HECW2: variants seen among roughly 807,000 people sequenced by gnomAD.
The protein encoded by HECW2 is E3 ubiquitin-protein ligase HECW2.
HECW2 carries 61 observed loss-of-function variants against 175.2 expected under a neutral mutation model. That is an observed-to-expected ratio of 0.35 (90% confidence interval 0.28 to 0.43). HECW2 has a LOEUF of 0.43. HECW2 is among the 20% of genes least tolerant of loss of function. The pLI, the probability that HECW2 is intolerant of heterozygous loss-of-function variation, is 1.00. For missense variants in HECW2, 1,524 were observed against 2,000.5 expected, an observed-to-expected ratio of 0.76 and a Z score of 4.54; for synonymous variants, 671 against 731.0, an observed-to-expected ratio of 0.92 and a Z score of 1.32.
intron 2 of HECW2, among the ~76,000 whole-genome samples, chr2:196,386,807 CA>C (rs968130177): frequency 6.6e-6 from 1 of 151,872 alleles, no homozygotes; most frequent in Non-Finnish European, 1.5e-5. Flanking sequence ...ATTCATAAAA[CA>C]AAAAATGATG....
intron 12 of HECW2, 128 bp from the exon 13 acceptor site, chr2:196,306,740 C>A: frequency 1.1e-6 from 1 of 940,726 alleles, no homozygotes; most frequent in Non-Finnish European, 1.5e-6. Context: ...TTTTAATCCC[C>A]CAATGCTTTT....
chr2:196,280,257 C>T (rs1475118938), intron 14 of HECW2, among the ~76,000 whole-genome samples: 3 of 152,150 alleles, frequency 2.0e-5, no homozygotes, highest in Admixed American at 2.0e-4. Flanking sequence ...AAGAACTGAC[C>T]TTTCAAACCA....
intron 13 of HECW2, among the ~76,000 whole-genome samples, chr2:196,305,198 T>C (rs995409324): frequency 2.0e-5 from 3 of 152,228 alleles, no homozygotes; most frequent in Non-Finnish European, 2.9e-5. Flanking sequence ...TCTGTATCCC[T>C]AGGTCTTAGC....
chr2:196,554,923 C>T (rs931393441), intron 1 of HECW2, among the ~76,000 whole-genome samples: 4 of 152,132 alleles, frequency 2.6e-5, no homozygotes, highest in Non-Finnish European at 5.9e-5. Flanking sequence ...AATCCCTGCA[C>T]GGGACAACAG....
intron 1 of HECW2, among the ~76,000 whole-genome samples, chr2:196,551,210 A>T (rs1175328051): frequency 6.6e-6 from 1 of 152,222 alleles, no homozygotes; most frequent in East Asian, 1.9e-4. Flanking sequence ...GAAATGCAAT[A>T]CTTCAGGGAC....
At chr2:196,259,059 T>C (rs1689179309) in intron 17 of HECW2, among the ~76,000 whole-genome samples, 1 of 152,218 alleles carries the variant, frequency 6.6e-6, no homozygotes, top group African/African-American at 2.4e-5. Flanking sequence ...CTGCAACCTC[T>C]GCCTCCTGGG....
chr2:196,513,862 T>C (rs1295772510), intron 1 of HECW2, among the ~76,000 whole-genome samples: 1 of 152,136 alleles, frequency 6.6e-6, no homozygotes, highest in Non-Finnish European at 1.5e-5. Flanking sequence ...AGAGGGTAAG[T>C]GGTTAGAAAC....
chr2:196,547,561 AC>A (rs1432836480), intron 1 of HECW2, among the ~76,000 whole-genome samples: 16 of 152,214 alleles, frequency 1.1e-4, no homozygotes, highest in South Asian at 2.1e-4. Context: ...ATAGGAGACT[AC>A]AGTTTTCACC....
At chr2:196,292,412 A>T in intron 14 of HECW2, 153 bp downstream of exon 14, 1 of 644,812 alleles carries the variant, frequency 1.6e-6, no homozygotes, top group Non-Finnish European at 2.7e-6. Flanking sequence ...TGTGGTCACA[A>T]ACAACCTGCT....
intron 2 of HECW2, among the ~76,000 whole-genome samples, chr2:196,376,342 G>A (rs1694050852): frequency 6.6e-6 from 1 of 152,126 alleles, no homozygotes; most frequent in African/African-American, 2.4e-5. Flanking sequence ...AATTAAAATA[G>A]ATTTTCGGCT....
intron 14 of HECW2, among the ~76,000 whole-genome samples, chr2:196,283,730 C>T (rs932220098): frequency 1.3e-5 from 2 of 152,112 alleles, no homozygotes; most frequent in Admixed American, 6.6e-5. Context: ...CACTACAATA[C>T]AGTCAAATCA....
rs548239251 is a variant in HECW2, at chr2:196,235,780, C to T, written c.3764+4669G>A. Reference sequence around the variant, plus strand: ...ACGCCATTCTCCTGCCTCAGCCTCCCGAGTAGCTGGGGACTACAGGCACCC... The same window carrying T: ...ACGCCATTCTCCTGCCTCAGCCTCCTGAGTAGCTGGGGACTACAGGCACCC... On this transcript the variant is annotated intron_variant, in intron 21 of 28. Transcript: ENST00000644978. 1.7e-4 allele frequency among the ~76,000 whole-genome samples: 25 copies of T among 151,480 alleles called. No homozygotes were observed. The East Asian group carries it at 3.5e-3, about 21-fold the overall frequency.
intron 2 of HECW2, among the ~76,000 whole-genome samples, chr2:196,412,632 G>A (rs991520022): frequency 6.6e-6 from 1 of 152,144 alleles, no homozygotes; most frequent in Non-Finnish European, 1.5e-5. Context: ...TTAGAGCAGT[G>A]GCTTTGAAAT....
chr2:196,201,531 T>A lies in HECW2; in HGVS notation c.4608-143A>T, dbSNP rs936301223. 8.7e-5 allele frequency: 43 copies of A among 494,084 alleles called. 1 individual carries two copies. The Admixed American group carries it at 1.2e-3, about 14-fold the overall frequency. 30.6% of individuals were successfully genotyped at this position (494,084 alleles called of 1,614,324 possible). A position where few individuals can be genotyped will look rare whatever the true frequency, so the allele number is the denominator to read the frequency against. ...TTTGTTGCCAATTTTCACACTCCTT[T>A]TGAAAAATCTTTGAAAACATTTTGA... On this transcript the variant is annotated intron_variant, in intron 28 of 28. Coordinates refer to ENST00000644978, the MANE Select transcript of HECW2 (RefSeq NM_001348768.2).
intron 16 of HECW2, among the ~76,000 whole-genome samples, chr2:196,272,032 C>A (rs1689759828): frequency 6.6e-6 from 1 of 152,068 alleles, no homozygotes; most frequent in Non-Finnish European, 1.5e-5. Context: ...CGAAAATCAG[C>A]CTCACAGAAA....
At chr2:196,530,993 T>G (rs1688821197) in intron 1 of HECW2, among the ~76,000 whole-genome samples, 1 of 152,200 alleles carries the variant, frequency 6.6e-6, no homozygotes, top group African/African-American at 2.4e-5. Flanking sequence ...CAACTTCTAC[T>G]TCAGTTCTCA....
chr2:196,221,339 T>A (rs1687662278), intron 24 of HECW2, among the ~76,000 whole-genome samples: 1 of 152,178 alleles, frequency 6.6e-6, no homozygotes, highest in Non-Finnish European at 1.5e-5. Context: ...AATGTTAAAT[T>A]GAGAACTTTT....
chr2:196,424,111 C>A (rs1695478236), intron 2 of HECW2, among the ~76,000 whole-genome samples: 1 of 151,976 alleles, frequency 6.6e-6, no homozygotes, highest in Non-Finnish European at 1.5e-5. Flanking sequence ...CAAGCTTTTT[C>A]ATTATTATTA....
At chr2:196,381,227 T>C (rs1186968513) in intron 2 of HECW2, among the ~76,000 whole-genome samples, 4 of 152,178 alleles carry the variant, frequency 2.6e-5, no homozygotes, top group Non-Finnish European at 5.9e-5. Flanking sequence ...TCACCCCACA[T>C]GGTTCTCACG....
Sources: allele counts gnomAD v4.1 joint callset (sites outside exome capture counted in the v4.1 genomes callset), GRCh38; gene constraint gnomAD v4.1.1; transcripts MANE v1.5; gene names NCBI Gene and HGNC (gene_info 2026-07-23, HGNC 2026-07-21).